Variants in GLI3 observed in about 807,000 individuals in gnomAD.
The protein encoded by GLI3 is GLI family zinc finger 3, also known as transcription activator GLI3.
A neutral mutation model predicts 100.8 loss-of-function variants in GLI3; 20 were observed. The observed-to-expected ratio is 0.20, with a 90% CI of 0.14 to 0.29. GLI3 has a LOEUF of 0.29. GLI3 is among the 10% of genes least tolerant of loss of function. The probability of loss-of-function intolerance (pLI) is 1.00; values close to 1 mark genes in which losing one functional copy is unlikely to be tolerated. For synonymous variants in GLI3, 938 were observed against 860.5 expected (o/e 1.09, Z -1.58); for missense variants, 2,040 against 2,128.5 (o/e 0.96, Z 0.82).
chr7:41,965,868 T>C lies in GLI3; in HGVS notation c.3205A>G (p.Ile1069Val). Residue 1069 changes from isoleucine to valine, a missense_variant, in exon 15 of 15, where the codon ATC becomes GTC. Transcript: ENST00000395925. ...GACTCCAGGGTGACGTTCTCGGTGA[T>C]GCTGGGAGGACAGGGGGACGAGTGG... is the stretch of plus-strand genomic sequence containing the variant. Reference protein sequence around the residue: ...NFHSSPCPPSITENVTLESLT... With the variant: ...NFHSSPCPPSVTENVTLESLT... 1 of 1,613,698 alleles carries C rather than the reference T, an allele frequency of 6.2e-7. No individual in the cohort carries two copies. The highest frequency in any genetic ancestry group is 1.1e-5 in the South Asian group (1 of 91,066).
intron 3 of GLI3, among the ~76,000 whole-genome samples, chr7:42,112,450 T>G (rs1321452051): frequency 6.6e-6 from 1 of 152,164 alleles, no homozygotes; most frequent in Non-Finnish European, 1.5e-5. Flanking sequence ...ACTTATTATA[T>G]ATTTTAAATA....
At chr7:42,065,485 A>G (rs974670275) in intron 4 of GLI3, among the ~76,000 whole-genome samples, 8 of 152,112 alleles carry the variant, frequency 5.3e-5, no homozygotes, top group African/African-American at 1.7e-4. Context: ...AGAATAAAAT[A>G]TTTACTCTTT....
chr7:42,056,798 A>AAAATAAATAAAT lies in GLI3; in HGVS notation c.474-8114_474-8103dup, dbSNP rs553929567. Among the ~76,000 whole-genome samples the AAAATAAATAAAT allele has an allele frequency of 9.8e-3, 1,461 of 148,494 alleles. 26 individuals carry two copies. The highest frequency in any genetic ancestry group is 0.032 in the African/African-American group (1,289 of 40,048). ...AAACCCCGTCTCTACTAAAAATACA[A>AAAATAAATAAAT]AAATAAATAAATAAATAAATAAATA... On this transcript the variant is annotated intron_variant, in intron 4 of 14. Coordinates refer to ENST00000395925, the MANE Select transcript of GLI3 (RefSeq NM_000168.6).
intron 1 of GLI3, among the ~76,000 whole-genome samples, chr7:42,263,893 G>A (rs1303815922): frequency 6.6e-6 from 1 of 152,114 alleles, no homozygotes; most frequent in Non-Finnish European, 1.5e-5. Context: ...AAACAGCAAC[G>A]ACCACAACAA....
At position 42,063,561 on chromosome 7, in the gene GLI3, T is replaced by C. The variant is rs555367599; in HGVS notation, c.473+13191A>G. Among the ~76,000 whole-genome samples, 5 of 152,318 alleles carry C rather than the reference T, an allele frequency of 3.3e-5. No homozygotes were observed. In the South Asian group the frequency reaches 1.0e-3, roughly 32 times the overall value. ...CCTGGAACTTCCTCATGACTGCCACTTCACCAATAAGCAATTGTAAAACAC... is the reference window on the plus strand; with the variant it reads ...CCTGGAACTTCCTCATGACTGCCACCTCACCAATAAGCAATTGTAAAACAC... On this transcript the variant is annotated intron_variant, in intron 4 of 14. Transcript: ENST00000395925.
intron 4 of GLI3, among the ~76,000 whole-genome samples, chr7:42,054,431 A>G (rs920623498): frequency 1.3e-5 from 2 of 152,190 alleles, no homozygotes; most frequent in African/African-American, 2.4e-5. Context: ...TTGCTCGCAC[A>G]TTGCTTGGGA....
chr7:42,141,127 G>A (rs749261840), intron 3 of GLI3, among the ~76,000 whole-genome samples: 1 of 152,224 alleles, frequency 6.6e-6, no homozygotes, highest in Non-Finnish European at 1.5e-5. Flanking sequence ...ATACTTGGAT[G>A]CTAAGTTGGG....
intron 2 of GLI3, among the ~76,000 whole-genome samples, chr7:42,168,270 T>A (rs1787284525): frequency 6.6e-6 from 1 of 152,220 alleles, no homozygotes; most frequent in Admixed American, 6.5e-5. Flanking sequence ...CACTGTGCAT[T>A]GCCAAGTCTG....
chr7:42,164,691 G>A (rs1176998423), intron 2 of GLI3, among the ~76,000 whole-genome samples: 7 of 151,832 alleles, frequency 4.6e-5, no homozygotes, highest in African/African-American at 1.5e-4. Context: ...TTAGCCGGGC[G>A]TGGTGGCCTG....
chr7:42,113,798 T>A (rs941237273), intron 3 of GLI3, among the ~76,000 whole-genome samples: 2 of 152,236 alleles, frequency 1.3e-5, no homozygotes, highest in African/African-American at 2.4e-5. Context: ...TAATAGAATG[T>A]CTCTGAAGCT....
intron 2 of GLI3, among the ~76,000 whole-genome samples, chr7:42,209,986 GAAAAAAAAAA>G (rs749477443): frequency 9.0e-5 from 3 of 33,272 alleles, no homozygotes; most frequent in South Asian, 4.7e-3. Context: ...TTAAGAATCT[GAAAAAAAAAA>G]AAAAAAAAAA....
chr7:41,979,194 C>T (rs144749280), intron 10 of GLI3, among the ~76,000 whole-genome samples: 96 of 152,292 alleles, frequency 6.3e-4, no homozygotes, highest in African/African-American at 2.1e-3. Context: ...GGGTTAGCAC[C>T]GCGGCTTAGG....
At chr7:42,263,906 C>G (rs2128712418) in intron 1 of GLI3, among the ~76,000 whole-genome samples, 1 of 152,314 alleles carries the variant, frequency 6.6e-6, no homozygotes, top group South Asian at 2.1e-4. Flanking sequence ...CACAACAAAA[C>G]AGAATAGCTG....
chr7:41,987,091 CACAGACACAG>C (rs1787847712), intron 10 of GLI3, among the ~76,000 whole-genome samples: 2 of 85,512 alleles, frequency 2.3e-5, no homozygotes, highest in African/African-American at 8.8e-5. Flanking sequence ...CATACACAGA[CACAGACACAG>C]ACACACACAC....
In GLI3 at chr7:41,964,458, T is replaced by C. The variant is rs771886604; in HGVS notation, c.4615A>G (p.Thr1539Ala). 21 of 1,614,030 alleles carry C rather than the reference T, an allele frequency of 1.3e-5. No homozygotes were observed. Among genetic ancestry groups the C allele is most frequent in the Non-Finnish European group, 1.8e-5 (21 of 1,180,012 alleles). The change falls in exon 15 of 15, where the codon ACC becomes GCC. Residue 1539 changes from threonine (T) to alanine (A), a missense_variant. By Grantham distance (58) the Thr-to-Ala change is moderately conservative. Coordinates refer to ENST00000395925, the MANE Select transcript of GLI3 (RefSeq NM_000168.6). ...QNLSHSSSRL[T>A]TPRASLPFPA... ...AATGGGAGGGACGCCCGAGGCGTGG[T>C]GAGGCGGGAGGAGCTATGGGAAAGG... is the stretch of plus-strand genomic sequence containing the variant.
Position 42,148,464 on chromosome 7 carries a change from A to C in GLI3, c.129T>G (p.Asp43Glu). The change falls in exon 3 of 15, where the codon GAT (aspartate) becomes GAG (glutamate). Residue 43 changes from aspartate to glutamate, a missense_variant. By Grantham distance (45) the Asp-to-Glu change is conservative (BLOSUM62 2). Transcript: ENST00000395925. ...AVASSTTSNE[D>E]ESPGQTYHRE... ...TGTGATAAGTCTGTCCAGGACTTTC[A>C]TCCTCTAAAGAAAGAAGAAAAATGA... 6.2e-7 allele frequency: 1 copy of C among 1,613,642 alleles called. No homozygotes were observed. Among genetic ancestry groups the C allele is most frequent in the Non-Finnish European group, 8.5e-7 (1 of 1,179,524 alleles).
intron 3 of GLI3, among the ~76,000 whole-genome samples, 169 bp downstream of exon 3, chr7:42,148,057 G>A (rs1438753703): frequency 6.6e-6 from 1 of 151,428 alleles, no homozygotes; most frequent in Non-Finnish European, 1.5e-5. Context: ...TGGGAAAGAA[G>A]TAGGGAAAGT....
intron 2 of GLI3, among the ~76,000 whole-genome samples, chr7:42,164,029 A>G (rs1393781455): frequency 6.6e-6 from 1 of 152,046 alleles, no homozygotes; most frequent in Admixed American, 6.6e-5. Flanking sequence ...TCCTTTTGTA[A>G]TGGGTCTATC....
chr7:42,218,039 C>T (rs1788411741), intron 2 of GLI3, among the ~76,000 whole-genome samples: 1 of 152,182 alleles, frequency 6.6e-6, no homozygotes. Context: ...GCTAGTCCTT[C>T]GTGTTGCCAG....
Sources: allele counts gnomAD v4.1 joint callset (sites outside exome capture counted in the v4.1 genomes callset), GRCh38; gene constraint gnomAD v4.1.1; transcripts MANE v1.5; gene names NCBI Gene and HGNC (gene_info 2026-07-23, HGNC 2026-07-21).